Variants in TTC7A observed in about 807,000 individuals in gnomAD.
TTC7A encodes the protein tetratricopeptide repeat domain 7A.
Under a neutral mutation model 103.7 loss-of-function variants are expected in TTC7A, and 110 were observed. That is an observed-to-expected ratio of 1.06 (90% confidence interval 0.91 to 1.24). TTC7A has a LOEUF of 1.24. Ranked by LOEUF, TTC7A falls within the 50% of genes most tolerant of loss-of-function variation. The probability of loss-of-function intolerance (pLI) is 0.00; values close to 1 mark genes in which losing one functional copy is unlikely to be tolerated. For synonymous variants in TTC7A, 521 were observed against 467.9 expected (o/e 1.11, Z -1.47); for missense variants, 1,340 against 1,116.3 (o/e 1.20, Z -2.86).
intron 15 of TTC7A, among the ~76,000 whole-genome samples, chr2:47,033,674 T>C (rs980148929): frequency 3.9e-5 from 6 of 152,204 alleles, no homozygotes; most frequent in African/African-American, 1.2e-4. Context: ...ACACCTGCTC[T>C]CTCTCCCCTG....
intron 2 of TTC7A, among the ~76,000 whole-genome samples, chr2:46,928,355 C>T (rs1669509199): frequency 6.6e-6 from 1 of 151,604 alleles, no homozygotes; most frequent in Non-Finnish European, 1.5e-5. Context: ...TCAACTATGT[C>T]CTCCACACAG....
chr2:46,974,999 T>C lies in TTC7A; in HGVS notation c.544T>C (p.Ser182Pro). ...KGLSLERLPNSIASRFRLTER... is the reference protein window; with the variant it reads ...KGLSLERLPNPIASRFRLTER... ...CCTCTCTCTGGAACGCCTACCCAAC[T>C]CCATCGCCTCCCGCTTCCGCCTGAC... Residue 182 changes from serine (S) to proline (P), a missense_variant, in exon 4 of 20, where the codon TCC (serine) becomes CCC (proline). Ser to Pro is a moderately conservative substitution (Grantham distance 74). Transcript: ENST00000319190. The C allele has an allele frequency of 1.2e-6, 2 of 1,613,908 alleles. No homozygotes were observed. Among genetic ancestry groups the C allele is most frequent in the African/African-American group, 1.3e-5 (1 of 75,030 alleles).
intron 3 of TTC7A, among the ~76,000 whole-genome samples, chr2:46,960,588 C>A (rs1410403170): frequency 6.6e-6 from 1 of 152,238 alleles, no homozygotes; most frequent in East Asian, 1.9e-4. Flanking sequence ...TTACAACTTT[C>A]CCAGGTGATG....
intron 2 of TTC7A, among the ~76,000 whole-genome samples, chr2:46,954,581 T>G (rs1671683848): frequency 6.6e-6 from 1 of 150,410 alleles, no homozygotes; most frequent in Non-Finnish European, 1.5e-5. Flanking sequence ...TTTTTTTTTT[T>G]TTTTTGAGAC....
At chr2:46,999,565 G>A in intron 8 of TTC7A, 1 of 985,412 alleles carries the variant, frequency 1.0e-6, no homozygotes, top group Non-Finnish European at 1.2e-6. Flanking sequence ...GTCCCAAATG[G>A]ACTCCCATCT....
rs529820753 is a variant in TTC7A, at chr2:47,009,652, C to T, written c.1288-1679C>T. ...TTGCTCATACCCTGCTGTAGACAGG[C>T]GAGCCTTCCAGAGCCTCCGTTTCCT... On this transcript the variant is annotated intron_variant, in intron 10 of 19. Transcript: ENST00000319190. Among the ~76,000 whole-genome samples, 7 of 152,124 alleles carry T rather than the reference C, an allele frequency of 4.6e-5. No homozygotes were observed. In the East Asian group the frequency reaches 1.4e-3, roughly 30 times the overall value.
rs1337557980 is a variant in TTC7A at position 46,941,740 on chromosome 2, A to G, written c.184+15A>G. 6.5e-7 allele frequency: 1 copy of G among 1,548,394 alleles called. No homozygotes were observed. The stretch of plus-strand genomic sequence containing the variant: ...TCCGGACACCGGTGAGTAAGGGAAG[A>G]GGCTGGCTCGCCGGCAGCGAGCGCG... On this transcript the variant is annotated intron_variant, in intron 1 of 19. Coordinates refer to ENST00000319190, the MANE Select transcript of TTC7A (RefSeq NM_020458.4). The surrounding 1 kb of genome is among the most constrained non-coding windows in gnomAD (Gnocchi z 4.2).
intron 2 of TTC7A, among the ~76,000 whole-genome samples, chr2:46,924,626 C>CTT (rs1322616067): frequency 1.4e-5 from 2 of 147,616 alleles, no homozygotes; most frequent in Non-Finnish European, 3.0e-5. Context: ...TGGATATTTT[C>CTT]TTTTTTTTTT....
At chr2:47,071,977 A>G (rs1684769666) in intron 19 of TTC7A, among the ~76,000 whole-genome samples, 1 of 152,016 alleles carries the variant, frequency 6.6e-6, no homozygotes, top group Non-Finnish European at 1.5e-5. Context: ...CCTGGGCAGA[A>G]CTCACAGGGC....
At position 46,963,747 on chromosome 2, in the gene TTC7A, T is replaced by C. The variant is rs562560152; in HGVS notation, c.517+6740T>C. The stretch of plus-strand genomic sequence containing the variant: ...ATAGCTGAATCCGGGGGCTCAGCTA[T>C]TGAGGTCTGTTGAGGTCTTCCTCAG... On this transcript the variant is annotated intron_variant, in intron 3 of 19. Coordinates refer to ENST00000319190, the MANE Select transcript of TTC7A (RefSeq NM_020458.4). 2.8e-3 allele frequency among the ~76,000 whole-genome samples: 431 copies of C among 152,312 alleles called. 3 individuals are homozygous for C. The highest frequency in any genetic ancestry group is 0.01 in the African/African-American group (419 of 41,568).
At chr2:47,014,663 A>G (rs1402422264) in intron 11 of TTC7A, among the ~76,000 whole-genome samples, 1 of 152,196 alleles carries the variant, frequency 6.6e-6, no homozygotes, top group Non-Finnish European at 1.5e-5. Flanking sequence ...AAGGCGGCTC[A>G]CACCCCCTTC....
chr2:47,041,063 C>A (rs751905501), intron 15 of TTC7A, among the ~76,000 whole-genome samples: 2 of 152,296 alleles, frequency 1.3e-5, no homozygotes, highest in South Asian at 4.1e-4. Flanking sequence ...CAGTGACTGT[C>A]CCCTGGGATG....
chr2:46,975,839 C>T (rs1374552338), intron 4 of TTC7A, among the ~76,000 whole-genome samples: 1 of 152,094 alleles, frequency 6.6e-6, no homozygotes, highest in Non-Finnish European at 1.5e-5. Context: ...TGGGTTCAAG[C>T]GATTCTTCTG....
chr2:46,967,154 C>G (rs911351279), intron 3 of TTC7A, among the ~76,000 whole-genome samples: 1 of 151,642 alleles, frequency 6.6e-6, no homozygotes, highest in Non-Finnish European at 1.5e-5. Context: ...TGGAGGTTGC[C>G]GTGAGCTGAG....
At chr2:47,057,758 C>T (rs1236056590) in intron 18 of TTC7A, among the ~76,000 whole-genome samples, 2 of 152,228 alleles carry the variant, frequency 1.3e-5, no homozygotes, top group African/African-American at 2.4e-5. Flanking sequence ...TCCTTGTCCT[C>T]TTAGTCCAAA....
chr2:47,061,109 G>GAA, intron 19 of TTC7A, 138 bp downstream of exon 19: 2 of 893,726 alleles, frequency 2.2e-6, no homozygotes, highest in Non-Finnish European at 3.3e-6. Context: ...CTAGGGGAGG[G>GAA]GGCTTCCCTC....
Position 47,011,422 on chromosome 2 carries a change from G to A in TTC7A, c.1379G>A (p.Gly460Glu), listed in dbSNP as rs762217184. ...CTGATGGCCGCGAAGGTCTGCATCG[G>A]GTCCCTTCGCTGGGTGAGTGAGCTG... ...VPLMAAKVCI[G>E]SLRWLEEAEH... The change falls in exon 11 of 20, where the codon GGG becomes GAG. Residue 460 changes from glycine (G) to glutamate (E), a missense_variant. By Grantham distance (98) the Gly-to-Glu change is moderately conservative (BLOSUM62 -2). Coordinates refer to ENST00000319190, the MANE Select transcript of TTC7A (RefSeq NM_020458.4). The A allele has an allele frequency of 1.9e-6, 3 of 1,607,178 alleles. No homozygotes were observed. The highest frequency in any genetic ancestry group is 2.5e-6 in the Non-Finnish European group (3 of 1,179,668).
At chr2:47,065,204 G>A (rs1010812782) in intron 19 of TTC7A, among the ~76,000 whole-genome samples, 3 of 152,200 alleles carry the variant, frequency 2.0e-5, no homozygotes, top group East Asian at 1.9e-4. Context: ...GGAGAATGGC[G>A]TGAACCTGGG....
intron 3 of TTC7A, among the ~76,000 whole-genome samples, chr2:46,960,914 G>T (rs1203074937): frequency 6.6e-6 from 1 of 152,230 alleles, no homozygotes; most frequent in Non-Finnish European, 1.5e-5. Flanking sequence ...TTGAGTAGGG[G>T]CTACAGCCCT....
Sources: allele counts gnomAD v4.1 joint callset (sites outside exome capture counted in the v4.1 genomes callset), GRCh38; gene constraint gnomAD v4.1.1; non-coding constraint Gnocchi (gnomAD v3.1); transcripts MANE v1.5; gene names NCBI Gene and HGNC (gene_info 2026-07-23, HGNC 2026-07-21).